The following KCNK2 variants were observed in gnomAD, a reference collection of about 807,000 sequenced individuals.
KCNK2 encodes potassium two pore domain channel subfamily K member 2.
A neutral mutation model predicts 40.5 loss-of-function variants in KCNK2; 21 were observed. That is an observed-to-expected ratio of 0.52 (90% CI 0.37 to 0.75). The LOEUF is 0.75. Ranked by LOEUF, KCNK2 falls within the 30% of genes least tolerant of loss-of-function variation. The pLI is 0.00. For synonymous variants in KCNK2, 191 were observed against 202.2 expected (o/e 0.94, Z 0.47); for missense variants, 399 against 531.6 (o/e 0.75, Z 2.45).
At position 215,008,789 on chromosome 1, in the gene KCNK2, T is replaced by C. The variant is rs753536806; in HGVS notation, c.34+2834T>C. ...ATAGAAATATCTATTCTCCACCTAA[T>C]AGATTTCTAATAGAAAATTGTAAAG... On this transcript the variant is annotated intron_variant, in intron 1 of 6. Coordinates refer to the KCNK2 transcript ENST00000391895. 8.5e-5 allele frequency among the ~76,000 whole-genome samples: 13 copies of C among 152,244 alleles called. 1 individual carries two copies. The South Asian group carries it at 2.7e-3, about 32-fold the overall frequency.
At chr1:215,131,945 A>AAGG (rs1231350568) in intron 3 of KCNK2, among the ~76,000 whole-genome samples, 2 of 152,196 alleles carry the variant, frequency 1.3e-5, no homozygotes, top group Non-Finnish European at 2.9e-5. Flanking sequence ...TTATGATAAC[A>AAGG]ATCACAGACT....
intron 6 of KCNK2, among the ~76,000 whole-genome samples, chr1:215,223,165 T>G (rs1213813810): frequency 3.3e-5 from 5 of 150,130 alleles, no homozygotes; most frequent in African/African-American, 1.2e-4. Context: ...CAGATTCTTT[T>G]GAAGCCATCC....
chr1:215,043,100 A>G (rs539832654), intron 1 of KCNK2, among the ~76,000 whole-genome samples: 1 of 152,302 alleles, frequency 6.6e-6, no homozygotes, highest in African/African-American at 2.4e-5. Context: ...CACTTCTTAC[A>G]ATGCAAGTGA....
chr1:215,204,743 G>C (rs184209667), intron 6 of KCNK2, among the ~76,000 whole-genome samples: 2 of 152,238 alleles, frequency 1.3e-5, no homozygotes, highest in Non-Finnish European at 2.9e-5. Flanking sequence ...AATGAACTTG[G>C]TTTTAGTTCC....
intron 1 of KCNK2, among the ~76,000 whole-genome samples, chr1:215,008,506 T>C (rs1656264874): frequency 6.6e-6 from 1 of 152,126 alleles, no homozygotes; most frequent in Non-Finnish European, 1.5e-5. Context: ...AGAGTGACTT[T>C]GGGCAAATTA....
chr1:215,199,166 G>C (rs1443608503), intron 6 of KCNK2, among the ~76,000 whole-genome samples: 2 of 151,956 alleles, frequency 1.3e-5, no homozygotes, highest in Admixed American at 1.3e-4. Flanking sequence ...AAATTAGCTG[G>C]GTATGGGGGT....
chr1:215,224,943 G>A (rs886904181), intron 6 of KCNK2, among the ~76,000 whole-genome samples: 5 of 152,024 alleles, frequency 3.3e-5, no homozygotes, highest in Admixed American at 6.6e-5. Flanking sequence ...GGGTTGCGTT[G>A]AGCAAATAAA....
chr1:215,186,708 T>C (rs977850221), intron 5 of KCNK2, among the ~76,000 whole-genome samples: 2 of 152,186 alleles, frequency 1.3e-5, no homozygotes, highest in South Asian at 2.1e-4. Context: ...TATTTATTTA[T>C]GCAGAGAACA....
chr1:215,109,108 A>C (rs1490035373), intron 2 of KCNK2, among the ~76,000 whole-genome samples: 1 of 130,344 alleles, frequency 7.7e-6, no homozygotes, highest in Non-Finnish European at 1.5e-5. Context: ...TATGGAGTAC[A>C]TGTTAAATTT....
At chr1:215,066,252 C>CT (rs1377009796) in intron 1 of KCNK2, among the ~76,000 whole-genome samples, 3 of 151,936 alleles carry the variant, frequency 2.0e-5, no homozygotes, top group Non-Finnish European at 2.9e-5. Context: ...TACCCCAGAA[C>CT]TTAAAGTACA....
Position 215,098,038 on chromosome 1 carries a change from T to G in KCNK2, c.357+11360T>G, listed in dbSNP as rs570024986. Among the ~76,000 whole-genome samples, 3 of 152,106 alleles carry G rather than the reference T, an allele frequency of 2.0e-5. No homozygotes were observed. The South Asian group carries it at 6.2e-4, about 32-fold the overall frequency. Reference sequence around the variant, plus strand: ...GAATTAATTCTCATTCAACTCTTTGTTTTTATAATCCATGATCATGTCTAT... The same window carrying G: ...GAATTAATTCTCATTCAACTCTTTGGTTTTATAATCCATGATCATGTCTAT... On this transcript the variant is annotated intron_variant, in intron 2 of 6. Coordinates refer to ENST00000444842, the MANE Select transcript of KCNK2 (RefSeq NM_001017425.3).
chr1:215,007,253 G>T (rs1328686779), intron 1 of KCNK2, among the ~76,000 whole-genome samples: 1 of 128,276 alleles, frequency 7.8e-6, no homozygotes, highest in Non-Finnish European at 1.6e-5. Context: ...AGTATGTAAT[G>T]TCCAGGTTCT....
chr1:215,012,646 GTT>G (rs34028242), intron 1 of KCNK2, among the ~76,000 whole-genome samples: 52,867 of 121,414 alleles, frequency 0.44, 10,824 homozygotes, highest in South Asian at 0.66. Context: ...TAATTTTTTA[GTT>G]TTTTTTTTTT....
intron 6 of KCNK2, among the ~76,000 whole-genome samples, chr1:215,204,209 G>A (rs568582303): frequency 2.0e-5 from 3 of 149,780 alleles, no homozygotes; most frequent in Non-Finnish European, 3.0e-5. Context: ...ATTAAACTAA[G>A]AGGCAATAGC....
intron 2 of KCNK2, among the ~76,000 whole-genome samples, chr1:215,106,121 G>A (rs1381649063): frequency 6.6e-6 from 1 of 151,974 alleles, no homozygotes; most frequent in Non-Finnish European, 1.5e-5. Flanking sequence ...GAGATTGCTG[G>A]GTTGAATGGT....
intron 1 of KCNK2, 166 bp downstream of exon 1, chr1:215,083,597 C>T (rs796628728): frequency 8.3e-5 from 52 of 628,580 alleles, no homozygotes; most frequent in African/African-American, 7.6e-4. Flanking sequence ...CAAACCCTTG[C>T]CAGATCCTCT....
chr1:215,137,728 G>A (rs1006445602), intron 3 of KCNK2, among the ~76,000 whole-genome samples: 2 of 151,972 alleles, frequency 1.3e-5, no homozygotes, highest in Non-Finnish European at 2.9e-5. Context: ...TATCTCACAG[G>A]GTTTTGTGAA....
intron 1 of KCNK2, among the ~76,000 whole-genome samples, chr1:215,011,796 C>A (rs181177241): frequency 6.6e-6 from 1 of 150,470 alleles, no homozygotes; most frequent in African/African-American, 2.5e-5. Context: ...TTAGTAGAGA[C>A]GGGGTTTCAC....
chr1:215,045,639 T>G lies in KCNK2; in HGVS notation c.34+39684T>G, dbSNP rs370342391. ...TAGACAGCATATGAAAAACCTGTCC[T>G]TGAATTATCTAAAAGCCCTCTTTAA... On this transcript the variant is annotated intron_variant, in intron 1 of 6. Coordinates refer to the KCNK2 transcript ENST00000391895. Among the ~76,000 whole-genome samples the G allele has an allele frequency of 5.5e-4, 84 of 152,204 alleles. 1 individual carries two copies. Among genetic ancestry groups the G allele is most frequent in the African/African-American group, 1.9e-3 (79 of 41,440 alleles).
Sources: gnomAD v4.1 joint callset for allele counts (sites outside exome capture counted in the v4.1 genomes callset) on GRCh38, gnomAD v4.1.1 for gene constraint, MANE v1.5 for transcripts, NCBI Gene and HGNC (gene_info 2026-07-23, HGNC 2026-07-21) for gene names.